The following CNTNAP2 variants were observed in gnomAD, a reference collection of about 807,000 sequenced individuals.
CNTNAP2 encodes contactin associated protein 2.
In CNTNAP2, 98 loss-of-function variants were observed where a neutral mutation model predicts 155.2. That is an observed-to-expected ratio of 0.63 (90% CI 0.54 to 0.75). The LOEUF is 0.75. Ranked by LOEUF, CNTNAP2 falls within the 30% of genes least tolerant of loss-of-function variation. The pLI is 0.00. For missense variants in CNTNAP2, 1,727 were observed against 1,688.1 expected, an observed-to-expected ratio of 1.02 and a Z score of -0.40; for synonymous variants, 651 against 631.2, an observed-to-expected ratio of 1.03 and a Z score of -0.47.
chr7:148,027,006 C>T (rs1331355055), intron 15 of CNTNAP2, among the ~76,000 whole-genome samples: 2 of 152,316 alleles, frequency 1.3e-5, no homozygotes, highest in African/African-American at 4.8e-5. Flanking sequence ...CTAACAGAGG[C>T]TTTGATGCAA....
At chr7:146,369,618 T>G (rs1330781982) in intron 1 of CNTNAP2, among the ~76,000 whole-genome samples, 1 of 152,176 alleles carries the variant, frequency 6.6e-6, no homozygotes, top group African/African-American at 2.4e-5. Flanking sequence ...AAATAGTAAG[T>G]TATTTATTAA....
intron 11 of CNTNAP2, among the ~76,000 whole-genome samples, chr7:147,555,499 G>C (rs1256179455): frequency 6.6e-6 from 1 of 152,076 alleles, no homozygotes; most frequent in Non-Finnish European, 1.5e-5. Context: ...AGCGATTGAT[G>C]GATACGCAAA....
chr7:147,502,978 G>A (rs7788530), intron 11 of CNTNAP2, among the ~76,000 whole-genome samples: 48,303 of 151,820 alleles, frequency 0.32, 7,907 homozygotes, highest in East Asian at 0.42. Flanking sequence ...TGCTTTTCCT[G>A]ACAGATGATT....
chr7:147,772,406 A>AT (rs1396678218), intron 13 of CNTNAP2, among the ~76,000 whole-genome samples: 40 of 139,102 alleles, frequency 2.9e-4, no homozygotes, highest in East Asian at 8.4e-4. Flanking sequence ...TCTAAAAAAA[A>AT]AAATATATAT....
At chr7:147,684,407 A>G (rs1238666153) in intron 13 of CNTNAP2, among the ~76,000 whole-genome samples, 1 of 151,904 alleles carries the variant, frequency 6.6e-6, no homozygotes. Context: ...CTTTCAAAAA[A>G]ATAATTATTT....
At chr7:147,253,330 A>G (rs931735130) in intron 8 of CNTNAP2, among the ~76,000 whole-genome samples, 9 of 151,594 alleles carry the variant, frequency 5.9e-5, no homozygotes, top group Non-Finnish European at 1.0e-4. Flanking sequence ...ACGTAGAAGC[A>G]TCAGCCAGAT....
At chr7:146,785,025 A>G (rs1011135720) in intron 2 of CNTNAP2, among the ~76,000 whole-genome samples, 56 of 149,608 alleles carry the variant, frequency 3.7e-4, no homozygotes, top group Admixed American at 3.7e-3. Flanking sequence ...GCTAGAGTGC[A>G]GTGGCATGAT....
At chr7:148,342,827 A>C (rs1798258418) in intron 21 of CNTNAP2, among the ~76,000 whole-genome samples, 1 of 152,258 alleles carries the variant, frequency 6.6e-6, no homozygotes, top group Admixed American at 6.5e-5. Flanking sequence ...AAACTATTTC[A>C]GTGAAAATGC....
At chr7:146,615,096 C>T (rs1563157368) in intron 1 of CNTNAP2, among the ~76,000 whole-genome samples, 2 of 152,154 alleles carry the variant, frequency 1.3e-5, no homozygotes, top group Non-Finnish European at 2.9e-5. Flanking sequence ...CAAAAGTTGA[C>T]CCTTTGCTAA....
At position 147,918,709 on chromosome 7, in the gene CNTNAP2, C is replaced by G. The variant is rs189686912; in HGVS notation, c.2255+14988C>G. ...GGAAAAAAACAAACAGAAAAACTACCCTTATGCAGGAGGAATAATTCTAAA... is the reference window on the plus strand; with the variant it reads ...GGAAAAAAACAAACAGAAAAACTACGCTTATGCAGGAGGAATAATTCTAAA... On this transcript the variant is annotated intron_variant, in intron 14 of 23. Transcript: ENST00000361727. Among the ~76,000 whole-genome samples, 5 of 152,202 alleles carry G rather than the reference C, an allele frequency of 3.3e-5. No individual in the cohort carries two copies. The East Asian group carries it at 9.7e-4, about 29-fold the overall frequency.
intron 13 of CNTNAP2, among the ~76,000 whole-genome samples, chr7:147,817,983 A>G (rs903864327): frequency 3.3e-5 from 5 of 152,026 alleles, no homozygotes; most frequent in African/African-American, 1.2e-4. Flanking sequence ...ATGAATCTAA[A>G]TGATGAGTTT....
In CNTNAP2 at chr7:146,984,756, G is replaced by C. The variant is rs112921021; in HGVS notation, c.403-59151G>C. Among the ~76,000 whole-genome samples, 461 of 152,282 alleles carry C rather than the reference G, an allele frequency of 3.0e-3. 3 individuals carry two copies. The highest frequency in any genetic ancestry group is 0.011 in the African/African-American group (438 of 41,550). On this transcript the variant is annotated intron_variant, in intron 3 of 23. Coordinates refer to ENST00000361727, the MANE Select transcript of CNTNAP2 (RefSeq NM_014141.6). The stretch of plus-strand genomic sequence containing the variant: ...ATATTTTTTCCCCATGGAAAGATTA[G>C]GTTTTCTTTTTGAGTCCTTCTGGCT...
intron 14 of CNTNAP2, among the ~76,000 whole-genome samples, chr7:147,939,492 C>T (rs559542856): frequency 6.6e-6 from 1 of 152,204 alleles, no homozygotes; most frequent in South Asian, 2.1e-4. Context: ...CCACACCTGG[C>T]TAATTTTTGT....
chr7:148,045,332 G>A (rs1420647849), intron 15 of CNTNAP2, among the ~76,000 whole-genome samples: 3 of 151,962 alleles, frequency 2.0e-5, no homozygotes, highest in African/African-American at 4.8e-5. Context: ...GGGGTGGGTG[G>A]TGGGGGGCGT....
chr7:147,003,139 C>T (rs1452390170), intron 3 of CNTNAP2, among the ~76,000 whole-genome samples: 4 of 151,728 alleles, frequency 2.6e-5, no homozygotes, highest in South Asian at 4.2e-4. Flanking sequence ...GAGAGTGCTA[C>T]ATAAAAGGCA....
intron 1 of CNTNAP2, among the ~76,000 whole-genome samples, chr7:146,466,768 G>A (rs1230720618): frequency 1.3e-5 from 2 of 152,134 alleles, no homozygotes; most frequent in African/African-American, 4.8e-5. Context: ...CTTCTGATCA[G>A]ACCAATTGTT....
rs570027415 is a variant in CNTNAP2, at chr7:148,296,195, G to A, written c.3475+29069G>A. On this transcript the variant is annotated intron_variant, in intron 21 of 23. Transcript: ENST00000361727. ...TTTTGTTCTCAGGCACCACTCAAAT[G>A]AACAATCTTGTTCATGTCAAAAAGG... Among the ~76,000 whole-genome samples the A allele has an allele frequency of 1.1e-4, 17 of 152,122 alleles. No individual in the cohort carries two copies. The South Asian group carries it at 2.7e-3, about 24-fold the overall frequency.
intron 14 of CNTNAP2, among the ~76,000 whole-genome samples, chr7:147,969,304 A>T (rs572984088): frequency 6.6e-6 from 1 of 152,160 alleles, no homozygotes; most frequent in Admixed American, 6.6e-5. Context: ...TCCCATCTTG[A>T]TCTCCCAAAG....
At chr7:148,034,534 C>T (rs753740684) in intron 15 of CNTNAP2, among the ~76,000 whole-genome samples, 2 of 152,290 alleles carry the variant, frequency 1.3e-5, no homozygotes, top group Middle Eastern at 3.4e-3. Flanking sequence ...AAGGTCCTTA[C>T]GAGATGCCAG....
Sources: gnomAD v4.1 joint callset for allele counts (sites outside exome capture counted in the v4.1 genomes callset) on GRCh38, gnomAD v4.1.1 for gene constraint, MANE v1.5 for transcripts, NCBI Gene and HGNC (gene_info 2026-07-23, HGNC 2026-07-21) for gene names.